EPHA6: variants seen among roughly 807,000 people sequenced by gnomAD.
The protein encoded by EPHA6 is ephrin type-A receptor 6.
EPHA6 carries 50 observed loss-of-function variants against 112.0 expected under a neutral mutation model. The observed-to-expected ratio is 0.45, with a 90% confidence interval of 0.36 to 0.56. The LOEUF is 0.56. Among genes scored for constraint, EPHA6 ranks in the 20% least tolerant of loss-of-function variants. The pLI is 0.00. For synonymous variants in EPHA6, 529 were observed against 490.7 expected (o/e 1.08, Z -1.03); for missense variants, 1,280 against 1,417.4 (o/e 0.90, Z 1.56).
chr3:96,922,452 A>G (rs1316380491), intron 2 of EPHA6, among the ~76,000 whole-genome samples: 1 of 151,916 alleles, frequency 6.6e-6, no homozygotes, highest in Non-Finnish European at 1.5e-5. Flanking sequence ...AAAATAGACT[A>G]CATTTTTCAG....
chr3:97,009,593 G>T (rs538809837), intron 3 of EPHA6, among the ~76,000 whole-genome samples: 2 of 152,360 alleles, frequency 1.3e-5, no homozygotes, highest in South Asian at 2.1e-4. Flanking sequence ...AGCTCAAAGG[G>T]CTTAGACAGC....
intron 10 of EPHA6, among the ~76,000 whole-genome samples, chr3:97,484,278 A>G (rs1026385581): frequency 6.6e-6 from 1 of 152,152 alleles, no homozygotes; most frequent in Admixed American, 6.6e-5. Context: ...TTAACATTCT[A>G]TAGTCTTTTT....
intron 15 of EPHA6, among the ~76,000 whole-genome samples, chr3:97,730,580 T>C (rs929790943): frequency 2.0e-5 from 3 of 152,118 alleles, no homozygotes; most frequent in African/African-American, 7.2e-5. Flanking sequence ...CTTCGTATCC[T>C]AAGACAACAA....
At chr3:97,223,701 A>G (rs1187576296) in intron 3 of EPHA6, among the ~76,000 whole-genome samples, 4 of 152,204 alleles carry the variant, frequency 2.6e-5, no homozygotes, top group Non-Finnish European at 4.4e-5. Flanking sequence ...ATCATCAGCT[A>G]CTGGGTTGAC....
At chr3:97,243,829 A>C (rs1206415770) in intron 4 of EPHA6, 123 bp from the exon 5 acceptor site, 1 of 713,898 alleles carries the variant, frequency 1.4e-6, no homozygotes, top group African/African-American at 1.8e-5. Flanking sequence ...TATAGATCCC[A>C]TTAGAAAAAG....
intron 5 of EPHA6, among the ~76,000 whole-genome samples, chr3:97,363,317 T>C (rs1362934567): frequency 6.8e-6 from 1 of 148,006 alleles, no homozygotes; most frequent in Non-Finnish European, 1.5e-5. Flanking sequence ...TTTTCTAAAA[T>C]CCTAACTAAG....
intron 3 of EPHA6, among the ~76,000 whole-genome samples, chr3:97,184,241 C>T (rs1042489702): frequency 1.3e-5 from 2 of 152,100 alleles, no homozygotes; most frequent in Non-Finnish European, 2.9e-5. Flanking sequence ...TTGAGTCTTA[C>T]ATTCTGCATC....
At chr3:96,821,533 A>G (rs1480537688) in intron 1 of EPHA6, among the ~76,000 whole-genome samples, 1 of 151,918 alleles carries the variant, frequency 6.6e-6, no homozygotes, top group Non-Finnish European at 1.5e-5. Flanking sequence ...TGCCTGCTAT[A>G]TGACTAGGCA....
At chr3:97,033,834 A>AC (rs1414806191) in intron 3 of EPHA6, among the ~76,000 whole-genome samples, 1 of 151,820 alleles carries the variant, frequency 6.6e-6, no homozygotes, top group Admixed American at 6.6e-5. Flanking sequence ...ATGTCTAATC[A>AC]CCCCCCAAAT....
At position 97,317,313 on chromosome 3, in the gene EPHA6, A is replaced by G. The variant is rs115862906; in HGVS notation, c.1606+73026A>G. Among the ~76,000 whole-genome samples, 823 of 152,132 alleles carry G rather than the reference A, an allele frequency of 5.4e-3. 15 individuals carry two copies. The highest frequency in any genetic ancestry group is 0.018 in the African/African-American group (747 of 41,462). Reference sequence around the variant, plus strand: ...CACTTTCCTCTCATTCAGTTCTTCTAAGAGTTCAATGATAAGAGATACTAC... The same window carrying G: ...CACTTTCCTCTCATTCAGTTCTTCTGAGAGTTCAATGATAAGAGATACTAC... On this transcript the variant is annotated intron_variant, in intron 5 of 17. Transcript: ENST00000389672.
chr3:97,195,901 C>A (rs2077428935), intron 3 of EPHA6, among the ~76,000 whole-genome samples: 1 of 151,846 alleles, frequency 6.6e-6, no homozygotes, highest in Non-Finnish European at 1.5e-5. Context: ...TTTCTTGATG[C>A]TTTTAGGATC....
chr3:97,602,989 A>G (rs781261084), intron 12 of EPHA6, among the ~76,000 whole-genome samples: 76 of 151,942 alleles, frequency 5.0e-4, no homozygotes, highest in Middle Eastern at 3.2e-3. Context: ...AATTTTGGGG[A>G]AGCAAAAATC....
chr3:97,076,943 C>T (rs2108180984), intron 3 of EPHA6, among the ~76,000 whole-genome samples: 1 of 152,242 alleles, frequency 6.6e-6, no homozygotes, highest in African/African-American at 2.4e-5. Flanking sequence ...TCTCAAAATA[C>T]TACTGCTAAT....
At chr3:97,444,713 TAGAA>T (rs1326616062) in intron 6 of EPHA6, among the ~76,000 whole-genome samples, 1 of 152,134 alleles carries the variant, frequency 6.6e-6, no homozygotes, top group African/African-American at 2.4e-5. Flanking sequence ...TCTCTGACTG[TAGAA>T]AGATATAGCC....
At chr3:97,472,716 C>A (rs2091262909) in intron 7 of EPHA6, among the ~76,000 whole-genome samples, 1 of 151,748 alleles carries the variant, frequency 6.6e-6, no homozygotes, top group South Asian at 2.1e-4. Context: ...TATCATAGTA[C>A]AATTGCTCTG....
chr3:96,843,734 G>GCA (rs2034893600), intron 1 of EPHA6, among the ~76,000 whole-genome samples: 4 of 151,888 alleles, frequency 2.6e-5, no homozygotes, highest in Admixed American at 2.6e-4. Context: ...CTAACTTGAG[G>GCA]GTATATGGAT....
chr3:97,085,174 A>G (rs958496313), intron 3 of EPHA6, among the ~76,000 whole-genome samples: 3 of 152,114 alleles, frequency 2.0e-5, no homozygotes, highest in African/African-American at 7.2e-5. Context: ...TTATAAGGAA[A>G]TTTTTATTTG....
intron 4 of EPHA6, among the ~76,000 whole-genome samples, chr3:97,237,438 A>T (rs1322399724): frequency 6.6e-6 from 1 of 151,952 alleles, no homozygotes; most frequent in Non-Finnish European, 1.5e-5. Context: ...TCTTTTATCA[A>T]ATAATCTGGG....
At chr3:97,354,409 G>A (rs754763232) in intron 5 of EPHA6, among the ~76,000 whole-genome samples, 5 of 152,050 alleles carry the variant, frequency 3.3e-5, no homozygotes, top group Non-Finnish European at 7.4e-5. Context: ...AATCCTGTGA[G>A]ATGAATTTAA....
Sources: gnomAD v4.1 joint callset for allele counts (sites outside exome capture counted in the v4.1 genomes callset) on GRCh38, gnomAD v4.1.1 for gene constraint, MANE v1.5 for transcripts, NCBI Gene and HGNC (gene_info 2026-07-23, HGNC 2026-07-21) for gene names.